The following MYRFL variants were observed in gnomAD, a reference collection of about 807,000 sequenced individuals.
MYRFL encodes the protein myelin regulatory factor-like protein.
In MYRFL, 88 loss-of-function variants were observed where a neutral mutation model predicts 109.4. The ratio of observed to expected loss-of-function variants is 0.80; its 90% CI spans 0.68 to 0.96. MYRFL has a LOEUF of 0.96. MYRFL is among the 40% of genes least tolerant of loss of function. The probability of loss-of-function intolerance (pLI) is 0.00; values close to 1 mark genes in which losing one functional copy is unlikely to be tolerated. For synonymous variants in MYRFL, 324 were observed against 320.9 expected, an observed-to-expected ratio of 1.01 and a Z score of -0.10; for missense variants, 957 against 954.9, an observed-to-expected ratio of 1.00 and a Z score of -0.03.
chr12:69,946,314 TAC>T (rs1299358956), intron 19 of MYRFL, among the ~76,000 whole-genome samples: 3 of 152,166 alleles, frequency 2.0e-5, no homozygotes, highest in African/African-American at 4.8e-5. Flanking sequence ...GGCTCTGTGA[TAC>T]ACTGGGAAAG....
At chr12:69,857,721 CTTAA>C (rs973890944) in intron 2 of MYRFL, among the ~76,000 whole-genome samples, 7 of 151,266 alleles carry the variant, frequency 4.6e-5, no homozygotes, top group Non-Finnish European at 8.9e-5. Flanking sequence ...GGTTTGTAAT[CTTAA>C]TTAAGTCATT....
At chr12:69,937,802 C>G (rs1051800054) in intron 19 of MYRFL, among the ~76,000 whole-genome samples, 8 of 152,126 alleles carry the variant, frequency 5.3e-5, no homozygotes, top group African/African-American at 1.9e-4. Context: ...ATTTCCTTTC[C>G]CTTTTGACAT....
At chr12:69,881,300 C>T (rs1207973258) in intron 5 of MYRFL, among the ~76,000 whole-genome samples, 1 of 152,170 alleles carries the variant, frequency 6.6e-6, no homozygotes, top group Non-Finnish European at 1.5e-5. Context: ...ACTGTAAACA[C>T]TCAAATGTGG....
At chr12:69,930,562 T>C (rs1001196232) in intron 15 of MYRFL, among the ~76,000 whole-genome samples, 1 of 152,054 alleles carries the variant, frequency 6.6e-6, no homozygotes, top group Non-Finnish European at 1.5e-5. Flanking sequence ...CTCATGCTTG[T>C]AATCTTAATA....
At chr12:69,892,467 G>T (rs1026710060) in intron 7 of MYRFL, among the ~76,000 whole-genome samples, 4 of 152,170 alleles carry the variant, frequency 2.6e-5, no homozygotes, top group African/African-American at 7.2e-5. Flanking sequence ...CTGGAGTGCA[G>T]TGGCTTTATC....
chr12:69,923,816 A>C (rs1954985283), intron 13 of MYRFL, among the ~76,000 whole-genome samples: 1 of 152,158 alleles, frequency 6.6e-6, no homozygotes, highest in South Asian at 2.1e-4. Flanking sequence ...ATACCCAATT[A>C]GGCTTATTTG....
intron 15 of MYRFL, among the ~76,000 whole-genome samples, chr12:69,928,350 C>T (rs927109455): frequency 1.3e-5 from 2 of 152,226 alleles, no homozygotes; most frequent in Non-Finnish European, 2.9e-5. Context: ...AGCTGCAATA[C>T]ACCCTTTCTA....
intron 7 of MYRFL, among the ~76,000 whole-genome samples, chr12:69,891,689 C>CTTTCTTTT (rs1886909142): frequency 9.0e-6 from 1 of 111,178 alleles, no homozygotes; most frequent in African/African-American, 3.8e-5. Context: ...TTCTTTCGTT[C>CTTTCTTTT]GTTCGTTCTT....
At chr12:69,937,613 C>T (rs1280936969) in intron 19 of MYRFL, among the ~76,000 whole-genome samples, 1 of 152,200 alleles carries the variant, frequency 6.6e-6, no homozygotes, top group Non-Finnish European at 1.5e-5. Context: ...ACACATATCA[C>T]CTCTGCTTAT....
chr12:69,866,561 C>A (rs1421160865), intron 2 of MYRFL, among the ~76,000 whole-genome samples: 1 of 152,070 alleles, frequency 6.6e-6, no homozygotes, highest in Non-Finnish European at 1.5e-5. Context: ...TGCCTGGGTA[C>A]TAGAGGTGGG....
rs1017955704 is a variant in MYRFL, at chr12:69,959,091, G to GAAAT, written c.*563_*566dup. On this transcript the variant is annotated 3_prime_UTR_variant, in exon 25 of 25. Coordinates refer to ENST00000552032, the MANE Select transcript of MYRFL (RefSeq NM_182530.3). Reference sequence around the variant, plus strand: ...GTTTGTTAATCAAATGGATTTAAGAGAAATAATTGCAACTCTGCTTTGCAA... The same window carrying GAAAT: ...GTTTGTTAATCAAATGGATTTAAGAGAAATAAATAATTGCAACTCTGCTTTGCAA... The GAAAT allele has an allele frequency of 5.2e-5, 8 of 153,140 alleles. No individual in the cohort carries two copies. The highest frequency in any genetic ancestry group is 1.9e-4 in the African/African-American group (8 of 41,458). The allele number at this position is 153,140 out of a possible 1,614,324, so 9.5% of individuals were successfully genotyped here.
chr12:69,950,178 C>T (rs370570356), intron 19 of MYRFL, among the ~76,000 whole-genome samples: 1 of 151,982 alleles, frequency 6.6e-6, no homozygotes, highest in South Asian at 2.1e-4. Flanking sequence ...AGAAGGTTAA[C>T]GTTTCATTAT....
chr12:69,827,467 C>G (rs1039461751), intron 1 of MYRFL, among the ~76,000 whole-genome samples: 3 of 151,754 alleles, frequency 2.0e-5, no homozygotes, highest in Admixed American at 6.6e-5. Flanking sequence ...GCCACTGATG[C>G]AATAGGTAGG....
chr12:69,893,823 G>T lies in MYRFL; in HGVS notation c.963G>T (p.Lys321Asn). The change falls in exon 8 of 25, where the codon AAG (lysine) becomes AAT (asparagine). Residue 321 changes from lysine to asparagine, a missense_variant. Transcript: ENST00000552032. Reference sequence around the variant, plus strand: ...AGTCCCAAGCAGATAGGAGCAAAAAGATTTTCAATCCTGTTAAGTAAGAAT... The same window carrying T: ...AGTCCCAAGCAGATAGGAGCAAAAATATTTTCAATCCTGTTAAGTAAGAAT... ...IEQSQADRSK[K>N]IFNPVKIDLL... 7.2e-7 allele frequency: 1 copy of T among 1,381,508 alleles called. No homozygotes were observed. The highest frequency in any genetic ancestry group is 9.4e-7 in the Non-Finnish European group (1 of 1,066,476). The allele number at this position is 1,381,508 out of a possible 1,614,324, so 85.6% of individuals were successfully genotyped here.
chr12:69,891,246 C>A, intron 7 of MYRFL, 80 bp downstream of exon 7: 3 of 1,048,258 alleles, frequency 2.9e-6, no homozygotes, highest in Non-Finnish European at 3.9e-6. Context: ...GACAAACTAT[C>A]CCAAAATGAC....
intron 13 of MYRFL, among the ~76,000 whole-genome samples, chr12:69,919,370 C>T (rs1304557517): frequency 6.6e-6 from 1 of 152,176 alleles, no homozygotes; most frequent in African/African-American, 2.4e-5. Flanking sequence ...AAAAATTAAA[C>T]GAGGATTCTA....
rs889993028 is a variant in MYRFL, at chr12:69,886,835, G to T, written c.572G>T (p.Arg191Leu). 5 of 1,535,878 alleles carry T rather than the reference G, an allele frequency of 3.3e-6. No individual in the cohort carries two copies. Among genetic ancestry groups the T allele is most frequent in the Non-Finnish European group, 4.4e-6 (5 of 1,146,694 alleles). ...TTCTTTGCAGTGACAAGTAGGAGTCGCAGCAGTGAAGTCCAGGACCCTGAC... is the reference window on the plus strand; with the variant it reads ...TTCTTTGCAGTGACAAGTAGGAGTCTCAGCAGTGAAGTCCAGGACCCTGAC... ...CHCRPMTSRSRSSEVQDPDSE... is the reference protein window; with the variant it reads ...CHCRPMTSRSLSSEVQDPDSE... Residue 191 changes from arginine to leucine, a missense_variant, in exon 6 of 25, where the codon CGC (arginine) becomes CTC (leucine). Transcript: ENST00000552032.
At chr12:69,941,712 CA>C (rs1333741031) in intron 19 of MYRFL, among the ~76,000 whole-genome samples, 4,753 of 145,300 alleles carry the variant, frequency 0.033, 253 homozygotes, top group African/African-American at 0.12. Flanking sequence ...AATAGAGACA[CA>C]AAAAACCCTT....
At chr12:69,871,485 G>A (rs1386654048) in intron 2 of MYRFL, among the ~76,000 whole-genome samples, 2 of 151,980 alleles carry the variant, frequency 1.3e-5, no homozygotes, top group Non-Finnish European at 2.9e-5. Flanking sequence ...ACCCACCTTG[G>A]CCTCCCAAAG....
Sources: allele counts gnomAD v4.1 joint callset (sites outside exome capture counted in the v4.1 genomes callset), GRCh38; gene constraint gnomAD v4.1.1; transcripts MANE v1.5; gene names NCBI Gene and HGNC (gene_info 2026-07-23, HGNC 2026-07-21).